Variants in ARHGAP28 observed in about 807,000 individuals in gnomAD.
The protein encoded by ARHGAP28 is Rho GTPase activating protein 28, also known as rho GTPase-activating protein 28.
A neutral mutation model predicts 90.7 loss-of-function variants in ARHGAP28; 56 were observed. The ratio of observed to expected loss-of-function variants is 0.62; its 90% confidence interval spans 0.50 to 0.77. The LOEUF (loss-of-function observed/expected upper bound fraction) is 0.77, where lower values mean the gene tolerates loss of function less well. ARHGAP28 is among the 30% of genes least tolerant of loss of function. The pLI is 0.00. For synonymous variants in ARHGAP28, 308 were observed against 323.3 expected (o/e 0.95, Z 0.51); for missense variants, 869 against 900.9 (o/e 0.96, Z 0.45).
At chr18:6,782,993 G>A (rs1287059370) in intron 1 of ARHGAP28, among the ~76,000 whole-genome samples, 1 of 152,050 alleles carries the variant, frequency 6.6e-6, no homozygotes, top group Non-Finnish European at 1.5e-5. Context: ...GTGCTCCTGA[G>A]ACCAAAGTGA....
chr18:6,782,590 G>GTTTTTTTTTTTTT (rs1567945690), intron 1 of ARHGAP28, among the ~76,000 whole-genome samples: 1 of 20,924 alleles, frequency 4.8e-5, no homozygotes, highest in African/African-American at 1.2e-4. Flanking sequence ...GCTAATTTTT[G>GTTTTTTTTTTTTT]TATTTTTTTT....
At chr18:6,862,053 C>T (rs979235462) in intron 5 of ARHGAP28, among the ~76,000 whole-genome samples, 6 of 152,118 alleles carry the variant, frequency 3.9e-5, no homozygotes, top group Admixed American at 6.5e-5. Context: ...CACTGGCCTT[C>T]GACTTGACTT....
In ARHGAP28 at chr18:6,739,645, T is replaced by TTCTCTCTCTCTCTCTC. The variant is rs138884918; in HGVS notation, c.122+9714_122+9729dup. ...AGCAGACATTCAAATTGACTAAGCT[T>TTCTCTCTCTCTCTCTC]TCTCTCTCTCTCTCTCTCTCTCTCT... On this transcript the variant is annotated intron_variant, in intron 1 of 17. Coordinates refer to ENST00000383472, the MANE Select transcript of ARHGAP28 (RefSeq NM_001366230.1). Among the ~76,000 whole-genome samples the TTCTCTCTCTCTCTCTC allele has an allele frequency of 2.2e-3, 321 of 145,028 alleles. 1 individual carries two copies. The highest frequency in any genetic ancestry group is 7.6e-3 in the African/African-American group (299 of 39,202).
intron 1 of ARHGAP28, among the ~76,000 whole-genome samples, chr18:6,801,467 G>T (rs1231740880): frequency 3.3e-5 from 5 of 152,072 alleles, no homozygotes; most frequent in African/African-American, 9.7e-5. Context: ...TTTCACAGTA[G>T]TTTTGGCTAT....
chr18:6,792,003 G>A (rs1402976985), intron 1 of ARHGAP28, among the ~76,000 whole-genome samples: 7 of 151,994 alleles, frequency 4.6e-5, no homozygotes, highest in Non-Finnish European at 1.0e-4. Context: ...CACCATGTTG[G>A]CCAGGCTGGT....
intron 3 of ARHGAP28, among the ~76,000 whole-genome samples, chr18:6,841,203 C>CCTCTCTCTCTCTCT (rs1555631524): frequency 4.8e-5 from 2 of 41,972 alleles, no homozygotes; most frequent in African/African-American, 1.2e-4. Flanking sequence ...CTCTCTCTCT[C>CCTCTCTCTCTCTCT]CTCTCCTCTC....
intron 3 of ARHGAP28, among the ~76,000 whole-genome samples, chr18:6,845,628 T>C (rs2056860543): frequency 6.6e-6 from 1 of 152,198 alleles, no homozygotes; most frequent in Non-Finnish European, 1.5e-5. Context: ...ATGTCCATAA[T>C]GTGTTCTCAT....
intron 14 of ARHGAP28, among the ~76,000 whole-genome samples, chr18:6,890,922 G>A (rs937880549): frequency 5.9e-5 from 9 of 152,316 alleles, no homozygotes; most frequent in African/African-American, 1.9e-4. Context: ...TCATTGATTG[G>A]TTAGTAAAGG....
At chr18:6,770,753 CTGAG>C (rs2143403769) in intron 1 of ARHGAP28, among the ~76,000 whole-genome samples, 1 of 151,834 alleles carries the variant, frequency 6.6e-6, no homozygotes, top group South Asian at 2.1e-4. Flanking sequence ...CCTTGGGCAG[CTGAG>C]TGAAGGGGAG....
At chr18:6,877,169 C>T (rs951083536) in intron 10 of ARHGAP28, among the ~76,000 whole-genome samples, 6 of 152,190 alleles carry the variant, frequency 3.9e-5, no homozygotes. Context: ...GTATCAGTAT[C>T]AGAGTTTTTA....
rs1385235752 is a variant in ARHGAP28, at chr18:6,914,316, T to C, written c.*2162T>C. The C allele has an allele frequency of 2.6e-5, 4 of 152,230 alleles. No homozygotes were observed. Among genetic ancestry groups the C allele is most frequent in the Non-Finnish European group, 5.9e-5 (4 of 68,046 alleles). 9.4% of individuals were successfully genotyped at this position (152,230 alleles called of 1,614,324 possible). A position where few individuals can be genotyped will look rare whatever the true frequency, so the allele number is the denominator to read the frequency against. On this transcript the variant is annotated 3_prime_UTR_variant, in exon 18 of 18. Transcript: ENST00000383472. ...AGGGACTTCGCTGAGTCAGTAAGTA[T>C]AATCACTCTAGTTTATTCAAGGATG...
At chr18:6,864,525 A>G (rs1224110370) in intron 5 of ARHGAP28, among the ~76,000 whole-genome samples, 1 of 152,232 alleles carries the variant, frequency 6.6e-6, no homozygotes, top group African/African-American at 2.4e-5. Flanking sequence ...ATATACATGC[A>G]TACACATACA....
intron 1 of ARHGAP28, among the ~76,000 whole-genome samples, chr18:6,783,415 C>A (rs919267682): frequency 4.0e-5 from 6 of 151,816 alleles, no homozygotes; most frequent in African/African-American, 1.5e-4. Flanking sequence ...GATTTTCCTG[C>A]CTCAGCCTCC....
At chr18:6,888,838 T>A (rs1323760134) in intron 12 of ARHGAP28, among the ~76,000 whole-genome samples, 2 of 152,138 alleles carry the variant, frequency 1.3e-5, no homozygotes, top group Admixed American at 1.3e-4. Context: ...AATTTTTTAT[T>A]CTAAATTGTG....
rs547126032 is a variant in ARHGAP28 at position 6,889,789 on chromosome 18, T to C, written c.1537-99T>C. On this transcript the variant is annotated intron_variant, in intron 12 of 17. Coordinates refer to ENST00000383472, the MANE Select transcript of ARHGAP28 (RefSeq NM_001366230.1). Reference sequence around the variant, plus strand: ...TTTAACCATTCTATACTTCTGACAGTTCTCTGGCAGCAGAGTGAATGGGAA... The same window carrying C: ...TTTAACCATTCTATACTTCTGACAGCTCTCTGGCAGCAGAGTGAATGGGAA... 5.3e-6 allele frequency: 6 copies of C among 1,123,102 alleles called. No homozygotes were observed. The South Asian group carries it at 7.9e-5, about 15-fold the overall frequency. 69.6% of individuals were successfully genotyped at this position (1,123,102 alleles called of 1,614,324 possible).
chr18:6,737,676 T>G lies in ARHGAP28; in HGVS notation c.122+7733T>G, dbSNP rs541741225. ...TATTGAGTTAGTGAGTTTTTCATAATGTATCATTCTTTATCATATGAAGTT... is the reference window on the plus strand; with the variant it reads ...TATTGAGTTAGTGAGTTTTTCATAAGGTATCATTCTTTATCATATGAAGTT... On this transcript the variant is annotated intron_variant, in intron 1 of 17. Transcript: ENST00000383472. 2.0e-5 allele frequency among the ~76,000 whole-genome samples: 3 copies of G among 152,346 alleles called. 1 individual carries two copies. The South Asian group carries it at 6.2e-4, about 32-fold the overall frequency.
chr18:6,825,612 C>T (rs960194326), intron 2 of ARHGAP28, among the ~76,000 whole-genome samples: 6 of 152,112 alleles, frequency 3.9e-5, no homozygotes, highest in Non-Finnish European at 8.8e-5. Flanking sequence ...TTCCCTACCT[C>T]CCCCCTCTAG....
At chr18:6,794,523 C>T (rs925946547) in intron 1 of ARHGAP28, among the ~76,000 whole-genome samples, 3 of 152,166 alleles carry the variant, frequency 2.0e-5, no homozygotes, top group African/African-American at 7.2e-5. Flanking sequence ...CACTGCCTTG[C>T]CTCCCTTGAC....
At chr18:6,869,693 T>C (rs2057067742) in intron 6 of ARHGAP28, among the ~76,000 whole-genome samples, 1 of 152,242 alleles carries the variant, frequency 6.6e-6, no homozygotes, top group African/African-American at 2.4e-5. Flanking sequence ...ATTAACTAAG[T>C]TTTCTTTAAT....
Sources: gnomAD v4.1 joint callset for allele counts (sites outside exome capture counted in the v4.1 genomes callset) on GRCh38, gnomAD v4.1.1 for gene constraint, MANE v1.5 for transcripts, NCBI Gene and HGNC (gene_info 2026-07-23, HGNC 2026-07-21) for gene names.